SATL1: variants seen among roughly 807,000 people sequenced by gnomAD.
SATL1 encodes the protein spermidine/spermine N(1)-acetyltransferase-like protein 1.
A neutral mutation model predicts 51.8 loss-of-function variants in SATL1; 47 were observed. That is an observed-to-expected ratio of 0.91 (90% confidence interval 0.72 to 1.16). The LOEUF is 1.16. SATL1 is among the 50% of genes most tolerant of loss of function. The pLI, the probability that SATL1 is intolerant of heterozygous loss-of-function variation, is 0.00. For missense variants in SATL1, 520 were observed against 526.4 expected (o/e 0.99, Z 0.12); for synonymous variants, 176 against 182.4 (o/e 0.97, Z 0.28).
intron 2 of SATL1, among the ~76,000 whole-genome samples, chrX:85,147,828 A>G (rs1236863260): frequency 1.8e-5 from 2 of 111,686 alleles, no homozygotes; most frequent in African/African-American, 6.5e-5. Flanking sequence ...TCTGTACATC[A>G]CCATCATCAA....
At chrX:85,182,641 T>C (rs1927230326) in intron 2 of SATL1, among the ~76,000 whole-genome samples, 1 of 111,884 alleles carries the variant, frequency 8.9e-6, no homozygotes, top group Admixed American at 9.5e-5. Context: ...CTATTTTTAG[T>C]TTTTTGAGGA....
intron 2 of SATL1, among the ~76,000 whole-genome samples, chrX:85,205,032 G>A (rs1270688501): frequency 9.0e-6 from 1 of 111,731 alleles, no homozygotes; most frequent in Non-Finnish European, 1.9e-5. Context: ...AAGGATCCTG[G>A]ATAGTGGATT....
At position 85,149,854 on chromosome X, in the gene SATL1, A is replaced by C. The variant is rs1185780590; in HGVS notation, c.-312-40574T>G. Among the ~76,000 whole-genome samples the C allele has an allele frequency of 4.5e-5, 5 of 112,222 alleles. No individual in the cohort carries two copies. The Middle Eastern group carries it at 0.014, about 309-fold the overall frequency. On this transcript the variant is annotated intron_variant, in intron 2 of 7. Coordinates refer to ENST00000644105, the MANE Select transcript of SATL1 (RefSeq NM_001367857.2). ...ATTTATAGCACTAAATGCCCACAAGAGAAAGCAGGAAAGATCTAAAATTGA... is the reference window on the plus strand; with the variant it reads ...ATTTATAGCACTAAATGCCCACAAGCGAAAGCAGGAAAGATCTAAAATTGA...
chrX:85,183,762 C>T (rs1024635049), intron 2 of SATL1, among the ~76,000 whole-genome samples: 1 of 111,384 alleles, frequency 9.0e-6, no homozygotes, highest in African/African-American at 3.3e-5. Flanking sequence ...TATCCATCAC[C>T]TCAATTATTG....
At chrX:85,153,435 A>T (rs1391316491) in intron 2 of SATL1, among the ~76,000 whole-genome samples, 1 of 111,686 alleles carries the variant, frequency 9.0e-6, no homozygotes, top group Non-Finnish European at 1.9e-5. Context: ...TTTAAAAAAC[A>T]GTCTTGAGAC....
At position 85,092,520 on chromosome X, in the gene SATL1, G is replaced by A. The variant is rs764934865; in HGVS notation, c.1959C>T (p.Val653=). The A allele has an allele frequency of 2.2e-5, 27 of 1,208,243 alleles. No individual in the cohort carries two copies. The highest frequency in any genetic ancestry group is 8.8e-5 in the African/African-American group (5 of 57,117). The change falls in exon 8 of 8, where the codon GTC becomes GTT. Residue 653 remains valine, a synonymous_variant. Transcript: ENST00000644105. ...TGATAGAAGCCTGGTTCCAAATGACGACAAGAAAGTGCATGCAGTTACATT... is the reference window on the plus strand; with the variant it reads ...TGATAGAAGCCTGGTTCCAAATGACAACAAGAAAGTGCATGCAGTTACATT... ...TTQCNCMHFL[V]VIWNQASINY...
intron 2 of SATL1, among the ~76,000 whole-genome samples, chrX:85,138,442 G>T (rs1353860259): frequency 2.7e-5 from 3 of 111,598 alleles, no homozygotes; most frequent in Non-Finnish European, 5.6e-5. Context: ...CTGTTGATTT[G>T]GTAGTAAGGT....
intron 2 of SATL1, among the ~76,000 whole-genome samples, chrX:85,158,796 C>A (rs1009174625): frequency 9.0e-6 from 1 of 110,917 alleles, no homozygotes; most frequent in Non-Finnish European, 1.9e-5. Flanking sequence ...AATAATAATC[C>A]GATTTTCTAA....
At position 85,228,797 on chromosome X, in the gene SATL1, A is replaced by G. The variant is rs752645525; in HGVS notation, c.-434-4471T>C. On this transcript the variant is annotated intron_variant, in intron 1 of 7. Transcript: ENST00000644105. ...TTGCTGGTTTATTCTCATTTTTATG[A>G]TTTCTAACAATTCTCCAGAGTTCAG... Among the ~76,000 whole-genome samples, 5 of 111,134 alleles carry G rather than the reference A, an allele frequency of 4.5e-5. No homozygotes were observed. The East Asian group carries it at 1.4e-3, about 31-fold the overall frequency.
intron 2 of SATL1, among the ~76,000 whole-genome samples, chrX:85,146,415 A>T (rs181823497): frequency 1.3e-4 from 14 of 111,938 alleles, no homozygotes; most frequent in Middle Eastern, 4.6e-3. Flanking sequence ...ATGAATATGG[A>T]TTGCATTCCT....
intron 2 of SATL1, among the ~76,000 whole-genome samples, chrX:85,178,060 C>T (rs1927118415): frequency 9.0e-6 from 1 of 111,536 alleles, no homozygotes; most frequent in Non-Finnish European, 1.9e-5. Context: ...TTTTAGATTT[C>T]CTTAAGCTTC....
intron 2 of SATL1, among the ~76,000 whole-genome samples, chrX:85,152,288 A>G (rs1305871697): frequency 1.8e-5 from 2 of 111,222 alleles, no homozygotes; most frequent in South Asian, 7.5e-4. Context: ...CACCAGTTAG[A>G]ATGGCAATCA....
chrX:85,151,002 A>G (rs902332036), intron 2 of SATL1, among the ~76,000 whole-genome samples: 8 of 111,070 alleles, frequency 7.2e-5, no homozygotes, highest in Admixed American at 9.7e-5. Flanking sequence ...AGGGCATTCA[A>G]TTAGGAAAAG....
chrX:85,183,718 C>T (rs1374510818), intron 2 of SATL1, among the ~76,000 whole-genome samples: 1 of 111,381 alleles, frequency 9.0e-6, no homozygotes, highest in African/African-American at 3.3e-5. Context: ...TACAGGCACA[C>T]AATGCATAAT....
chrX:85,194,035 A>G (rs1253727809), intron 2 of SATL1, among the ~76,000 whole-genome samples: 2 of 111,941 alleles, frequency 1.8e-5, no homozygotes, highest in Admixed American at 9.5e-5. Flanking sequence ...GTATATACCC[A>G]GAAATGGGAC....
rs1928675183 is a variant in SATL1 at position 85,243,172 on chromosome X, A to G, written c.-435+416T>C. On this transcript the variant is annotated intron_variant, in intron 1 of 7. Transcript: ENST00000644105. ...TTTGTAAATATTCAAATGATTTGCA[A>G]AGATAAAGAGTTACTTTCTTTAGGA... Among the ~76,000 whole-genome samples the G allele has an allele frequency of 2.7e-5, 3 of 112,736 alleles. No homozygotes were observed. In the Admixed American group the frequency reaches 2.8e-4, roughly 11 times the overall value.
At chrX:85,154,317 T>C (rs1482116796) in intron 2 of SATL1, among the ~76,000 whole-genome samples, 2 of 111,322 alleles carry the variant, frequency 1.8e-5, no homozygotes, top group Non-Finnish European at 3.8e-5. Flanking sequence ...CCAGCAACAA[T>C]GCCAGATAAA....
chrX:85,202,365 C>T lies in SATL1; in HGVS notation c.-313+21840G>A, dbSNP rs773022562. On this transcript the variant is annotated intron_variant, in intron 2 of 7. Coordinates refer to ENST00000644105, the MANE Select transcript of SATL1 (RefSeq NM_001367857.2). The stretch of plus-strand genomic sequence containing the variant: ...TGAAGTTGCTCTTGGTGTCTTTGAA[C>T]GGTATTTCTGTCTTTACGTCTTTGG... 1.3e-4 allele frequency among the ~76,000 whole-genome samples: 15 copies of T among 111,817 alleles called. No individual in the cohort carries two copies. The South Asian group carries it at 1.9e-3, about 14-fold the overall frequency.
chrX:85,214,547 T>C (rs1022912973), intron 2 of SATL1, among the ~76,000 whole-genome samples: 2 of 111,282 alleles, frequency 1.8e-5, no homozygotes, highest in African/African-American at 6.6e-5. Flanking sequence ...ACAAGCAAAA[T>C]ACAATAATTT....
Sources: gnomAD v4.1 joint callset for allele counts (sites outside exome capture counted in the v4.1 genomes callset) on GRCh38, gnomAD v4.1.1 for gene constraint, MANE v1.5 for transcripts, NCBI Gene and HGNC (gene_info 2026-07-23, HGNC 2026-07-21) for gene names.